HIVEP1: variants seen among roughly 807,000 people sequenced by gnomAD.
HIVEP1 encodes the protein zinc finger protein 40.
In HIVEP1, 36 loss-of-function variants were observed where a neutral mutation model predicts 180.0. The observed-to-expected ratio is 0.20, with a 90% CI of 0.15 to 0.26. HIVEP1 has a LOEUF of 0.26. Among genes scored for constraint, HIVEP1 ranks in the 10% least tolerant of loss-of-function variants. The pLI, the probability that HIVEP1 is intolerant of heterozygous loss-of-function variation, is 1.00. For synonymous variants in HIVEP1, 1,239 were observed against 1,239.0 expected, an observed-to-expected ratio of 1.00 and a Z score of 0.00; for missense variants, 3,143 against 3,268.7, an observed-to-expected ratio of 0.96 and a Z score of 0.94.
chr6:12,163,986 T>C lies in HIVEP1; in HGVS notation c.7682T>C (p.Val2561Ala). ...ACCTTAATCCCCTCAGTCAGTCAAG[T>C]AGCCGTTGATGCACAGGGAGCTCCA... ...LPTLIPSVSQ[V>A]AVDAQGAPEM... The change falls in exon 9 of 9, where the codon GTA becomes GCA. Residue 2561 changes from valine to alanine, a missense_variant. By Grantham distance (64) the Val-to-Ala change is moderately conservative. Coordinates refer to ENST00000379388, the MANE Select transcript of HIVEP1 (RefSeq NM_002114.4). 2 of 1,614,126 alleles carry C rather than the reference T, an allele frequency of 1.2e-6. No individual in the cohort carries two copies. The highest frequency in any genetic ancestry group is 1.7e-6 in the Non-Finnish European group (2 of 1,180,020).
At chr6:12,118,881 T>C (rs553471554) in intron 3 of HIVEP1, among the ~76,000 whole-genome samples, 17 of 152,312 alleles carry the variant, frequency 1.1e-4, no homozygotes, top group Non-Finnish European at 2.4e-4. Context: ...CCTGAAAATA[T>C]CAGTTTTGCA....
intron 7 of HIVEP1, among the ~76,000 whole-genome samples, chr6:12,148,994 G>A (rs913172600): frequency 3.9e-5 from 6 of 152,158 alleles, no homozygotes; most frequent in Admixed American, 1.3e-4. Flanking sequence ...CAGGAGCCAC[G>A]TGTCTTTTCA....
chr6:12,043,355 ATTTTTT>A (rs1304144063), intron 2 of HIVEP1, among the ~76,000 whole-genome samples: 1 of 109,904 alleles, frequency 9.1e-6, no homozygotes, highest in Admixed American at 1.1e-4. Flanking sequence ...CTAAGTGAAA[ATTTTTT>A]TTTTTTTTTT....
upstream of HIVEP1, among the ~76,000 whole-genome samples, chr6:12,010,839 G>A (rs997539877): frequency 2.0e-5 from 3 of 152,038 alleles, no homozygotes; most frequent in Admixed American, 6.6e-5. Context: ...TCTAGCAGCC[G>A]GGGTCACACC....
At chr6:12,171,160 C>T in the HIVEP1 span, among the ~76,000 whole-genome samples, 1 of 152,098 alleles carries the variant, frequency 6.6e-6, no homozygotes, top group Admixed American at 6.5e-5. Context: ...CCACCCTCAT[C>T]CCTCCCTCTC....
At chr6:12,178,787 C>T in the HIVEP1 span, among the ~76,000 whole-genome samples, 14 of 152,112 alleles carry the variant, frequency 9.2e-5, no homozygotes, top group African/African-American at 2.2e-4. Flanking sequence ...GGGACATGAA[C>T]GAAAAAATTC....
the HIVEP1 span, among the ~76,000 whole-genome samples, chr6:12,208,934 T>C: frequency 2.0e-5 from 3 of 152,220 alleles, no homozygotes; most frequent in African/African-American, 4.8e-5. Context: ...TTTTCCTTCA[T>C]AGAATGCAGA....
At chr6:12,145,380 C>T (rs976116622) in intron 7 of HIVEP1, among the ~76,000 whole-genome samples, 1 of 151,712 alleles carries the variant, frequency 6.6e-6, no homozygotes, top group African/African-American at 2.4e-5. Flanking sequence ...GGGTGGGGGC[C>T]TGGGGGAGGG....
rs188526115 is a variant in HIVEP1 at position 12,073,973 on chromosome 6, C to T, written c.41-15211C>T. Reference sequence around the variant, plus strand: ...GCACCACACACTCCCCACCTCACTACTGCTGGGAACAAAAGTAGATTGATT... The same window carrying T: ...GCACCACACACTCCCCACCTCACTATTGCTGGGAACAAAAGTAGATTGATT... On this transcript the variant is annotated intron_variant, in intron 2 of 8. Coordinates refer to ENST00000379388, the MANE Select transcript of HIVEP1 (RefSeq NM_002114.4). Among the ~76,000 whole-genome samples, 126 of 152,294 alleles carry T rather than the reference C, an allele frequency of 8.3e-4. 2 individuals carry two copies. Among genetic ancestry groups the T allele is most frequent in the Admixed American group, 7.0e-3 (107 of 15,282 alleles).
chr6:12,008,810 TTTTG>T (rs767423155), upstream of HIVEP1: 2 of 152,174 alleles, frequency 1.3e-5, no homozygotes, highest in Non-Finnish European at 2.9e-5. Context: ...GTTTCTGCTT[TTTTG>T]TTTTTAAAAT....
At chr6:12,128,025 A>G (rs1023967024) in intron 4 of HIVEP1, among the ~76,000 whole-genome samples, 2 of 152,190 alleles carry the variant, frequency 1.3e-5, no homozygotes, top group African/African-American at 4.8e-5. Context: ...AAAACATGGC[A>G]TTTTCAACAT....
At chr6:12,117,467 T>A (rs1775288354) in intron 3 of HIVEP1, among the ~76,000 whole-genome samples, 1 of 152,226 alleles carries the variant, frequency 6.6e-6, no homozygotes, top group Non-Finnish European at 1.5e-5. Context: ...GATCTTAAGT[T>A]TAGCAATTCC....
intron 3 of HIVEP1, among the ~76,000 whole-genome samples, chr6:12,104,923 C>A (rs1179392177): frequency 6.6e-6 from 1 of 152,088 alleles, no homozygotes; most frequent in African/African-American, 2.4e-5. Context: ...TTTGTGTATT[C>A]ATTCCAATAT....
chr6:12,074,618 AAGTGTGT>A (rs1207477320), intron 2 of HIVEP1, among the ~76,000 whole-genome samples: 2 of 61,460 alleles, frequency 3.3e-5, no homozygotes, highest in African/African-American at 1.2e-4. Context: ...TTGTATGAAA[AAGTGTGT>A]GTGTGTGTGT....
intron 2 of HIVEP1, among the ~76,000 whole-genome samples, chr6:12,041,102 T>A (rs1581555886): frequency 6.6e-6 from 1 of 152,264 alleles, no homozygotes; most frequent in East Asian, 1.9e-4. Flanking sequence ...GTTTGCTCTC[T>A]CTCCTGCATC....
the HIVEP1 span, among the ~76,000 whole-genome samples, chr6:12,205,298 C>T: frequency 9.9e-5 from 15 of 152,138 alleles, no homozygotes; most frequent in South Asian, 2.1e-4. Context: ...GGTGAAACCC[C>T]GTCTCTACTA....
chr6:12,170,826 C>G, the HIVEP1 span, among the ~76,000 whole-genome samples: 1 of 151,954 alleles, frequency 6.6e-6, no homozygotes, highest in Admixed American at 6.6e-5. Flanking sequence ...TAATAACTTA[C>G]GGGAGAGTGA....
At chr6:12,056,034 T>C (rs527763842) in intron 2 of HIVEP1, among the ~76,000 whole-genome samples, 129 of 152,328 alleles carry the variant, frequency 8.5e-4, no homozygotes, top group Non-Finnish European at 1.6e-3. Flanking sequence ...AGTCATATAT[T>C]GGATTAAATG....
At chr6:12,046,922 G>A (rs1450753901) in intron 2 of HIVEP1, among the ~76,000 whole-genome samples, 3 of 149,116 alleles carry the variant, frequency 2.0e-5, no homozygotes, top group Non-Finnish European at 3.0e-5. Context: ...GTGCAGTGGC[G>A]TGACCTTGGC....
Sources: gnomAD v4.1 joint callset for allele counts (sites outside exome capture counted in the v4.1 genomes callset) on GRCh38, gnomAD v4.1.1 for gene constraint, MANE v1.5 for transcripts, NCBI Gene and HGNC (gene_info 2026-07-23, HGNC 2026-07-21) for gene names.